Variants in TUBGCP3 observed in about 807,000 individuals in gnomAD.
TUBGCP3 encodes the protein gamma-tubulin complex component 3.
A neutral mutation model predicts 123.1 loss-of-function variants in TUBGCP3; 50 were observed. The observed-to-expected ratio is 0.41, with a 90% CI of 0.32 to 0.51. TUBGCP3 has a LOEUF of 0.51. Ranked by LOEUF, TUBGCP3 falls within the 20% of genes least tolerant of loss-of-function variation. The pLI is 0.36. For missense variants in TUBGCP3, 882 were observed against 1,127.0 expected, an observed-to-expected ratio of 0.78 and a Z score of 3.11; for synonymous variants, 405 against 413.9, an observed-to-expected ratio of 0.98 and a Z score of 0.26.
intron 6 of TUBGCP3, 122 bp from the exon 7 acceptor site, chr13:112,555,127 A>T: frequency 1.6e-6 from 1 of 620,914 alleles, no homozygotes; most frequent in Non-Finnish European, 2.8e-6. Flanking sequence ...CTAACTCAAT[A>T]AATAAGCTCA....
At chr13:112,558,562 T>A (rs997608129) in intron 4 of TUBGCP3, 149 bp from the exon 5 acceptor site, 1 of 710,024 alleles carries the variant, frequency 1.4e-6, no homozygotes, top group Non-Finnish European at 2.1e-6. Context: ...TTAGATGTTA[T>A]GCTTTTGAAA....
At chr13:112,499,297 C>T in intron 19 of TUBGCP3, 112 bp from the exon 20 acceptor site, 1 of 1,334,404 alleles carries the variant, frequency 7.5e-7, no homozygotes, top group South Asian at 1.5e-5. Context: ...AACTGAAATT[C>T]CCAAAGTGTT....
In TUBGCP3 at chr13:112,527,488, A is replaced by C; in HGVS notation, c.1336-4T>G. ...TTGGATCTGATGCTACAAAAAACTG[A>C]AAGCAAAGGGGCATGGAAATGTTCA... On this transcript the variant is annotated splice_polypyrimidine_tract_variant and splice_region_variant and intron_variant, in intron 11 of 21. Coordinates refer to ENST00000261965, the MANE Select transcript of TUBGCP3 (RefSeq NM_006322.6). 1 of 1,598,654 alleles carries C rather than the reference A, an allele frequency of 6.3e-7. No homozygotes were observed. Among genetic ancestry groups the C allele is most frequent in the Non-Finnish European group, 8.6e-7 (1 of 1,166,334 alleles).
chr13:112,580,980 A>G (rs1412013052), intron 1 of TUBGCP3, among the ~76,000 whole-genome samples: 1 of 152,180 alleles, frequency 6.6e-6, no homozygotes, highest in Non-Finnish European at 1.5e-5. Context: ...TTATCCACCC[A>G]GCAGTCAAAG....
chr13:112,543,692 C>G (rs895647947), intron 11 of TUBGCP3, among the ~76,000 whole-genome samples: 22 of 152,074 alleles, frequency 1.4e-4, no homozygotes, highest in Non-Finnish European at 1.0e-4. Flanking sequence ...TGTGTGGAGT[C>G]TCAGTTAAGG....
rs560185607 is a variant in TUBGCP3, at chr13:112,534,651, C to G, written c.1336-7167G>C. The stretch of plus-strand genomic sequence containing the variant: ...AGAGCCCTACTTGCGCTCGGCGACG[C>G]CATGGTGAACAGGAGCACCTCAACC... On this transcript the variant is annotated intron_variant, in intron 11 of 21. Coordinates refer to ENST00000261965, the MANE Select transcript of TUBGCP3 (RefSeq NM_006322.6). 5.7e-4 allele frequency among the ~76,000 whole-genome samples: 87 copies of G among 152,050 alleles called. 1 individual carries two copies. The highest frequency in any genetic ancestry group is 1.2e-3 in the South Asian group (6 of 4,816).
chr13:112,596,522 A>AT, the TUBGCP3 span, among the ~76,000 whole-genome samples: 4 of 151,258 alleles, frequency 2.6e-5, no homozygotes, highest in South Asian at 2.1e-4. Flanking sequence ...TGTTTTCAAT[A>AT]TTTTTTTTTC....
intron 5 of TUBGCP3, 101 bp downstream of exon 5, chr13:112,558,095 C>T (rs1594197669): frequency 1.6e-6 from 2 of 1,270,348 alleles, no homozygotes; most frequent in Middle Eastern, 2.8e-4. Flanking sequence ...ACGTATGAGG[C>T]CCCACTGATA....
intron 2 of TUBGCP3, among the ~76,000 whole-genome samples, chr13:112,566,611 T>C (rs574635845): frequency 6.6e-6 from 1 of 152,242 alleles, no homozygotes; most frequent in Non-Finnish European, 1.5e-5. Flanking sequence ...AAATTTAATA[T>C]AATTTACTGT....
intron 3 of TUBGCP3, among the ~76,000 whole-genome samples, chr13:112,562,685 G>A (rs577365316): frequency 2.0e-5 from 3 of 152,312 alleles, no homozygotes; most frequent in Admixed American, 2.0e-4. Flanking sequence ...CACTCTGGCA[G>A]TACAGATGCT....
chr13:112,516,863 C>T (rs1362589698), intron 16 of TUBGCP3, among the ~76,000 whole-genome samples: 2 of 152,166 alleles, frequency 1.3e-5, no homozygotes, highest in East Asian at 1.9e-4. Flanking sequence ...CCCCCCAACC[C>T]GCCTGAGGGA....
intron 5 of TUBGCP3, 120 bp from the exon 6 acceptor site, chr13:112,556,344 C>T: frequency 1.0e-6 from 1 of 968,908 alleles, no homozygotes; most frequent in South Asian, 1.7e-5. Context: ...TCTGGTATAG[C>T]TGATACCATG....
intron 11 of TUBGCP3, among the ~76,000 whole-genome samples, chr13:112,534,552 C>CAAAAA (rs1479333078): frequency 1.3e-5 from 2 of 152,120 alleles, no homozygotes; most frequent in Non-Finnish European, 2.9e-5. Flanking sequence ...GTCTCAAAAA[C>CAAAAA]AAAACAAAAC....
chr13:112,525,409 T>G (rs1876967957), intron 13 of TUBGCP3, among the ~76,000 whole-genome samples: 1 of 152,174 alleles, frequency 6.6e-6, no homozygotes, highest in African/African-American at 2.4e-5. Flanking sequence ...TATTACTGAC[T>G]ACTGGTTATT....
chr13:112,546,854 C>G (rs1879043015), intron 10 of TUBGCP3: 1 of 152,264 alleles, frequency 6.6e-6, no homozygotes, highest in Non-Finnish European at 1.5e-5. Flanking sequence ...GTGCAGACAG[C>G]AAGATGACCA....
At chr13:112,523,058 A>T (rs981298897) in intron 13 of TUBGCP3, among the ~76,000 whole-genome samples, 1 of 152,250 alleles carries the variant, frequency 6.6e-6, no homozygotes, top group African/African-American at 2.4e-5. Flanking sequence ...AAGCATTTCC[A>T]TAGCTTTCTA....
chr13:112,514,322 T>C (rs1875891832), intron 17 of TUBGCP3, among the ~76,000 whole-genome samples: 1 of 151,910 alleles, frequency 6.6e-6, no homozygotes, highest in South Asian at 2.1e-4. Flanking sequence ...ATATATCCCC[T>C]GTAGATAAAG....
chr13:112,498,859 C>G (rs1196755883), intron 20 of TUBGCP3, 186 bp downstream of exon 20: 6 of 1,606,908 alleles, frequency 3.7e-6, no homozygotes, highest in Non-Finnish European at 5.1e-6. Context: ...ATGATGATGC[C>G]AGTGAGGGTG....
rs1881689237 is a variant in TUBGCP3 at position 112,511,745 on chromosome 13, T to A, written c.2086+4695A>T. 6.6e-6 allele frequency among the ~76,000 whole-genome samples: 1 copy of A among 152,220 alleles called. No individual in the cohort carries two copies. Among genetic ancestry groups the A allele is most frequent in the African/African-American group, 2.4e-5 (1 of 41,454 alleles). On this transcript the variant is annotated intron_variant, in intron 17 of 21. Coordinates refer to ENST00000261965, the MANE Select transcript of TUBGCP3 (RefSeq NM_006322.6). The surrounding 1 kb of genome is among the most constrained non-coding windows in gnomAD (Gnocchi z 4.1). The stretch of plus-strand genomic sequence containing the variant: ...TCGATATATTGGGCCAAAACCAAAT[T>A]TGGGCCAATCCAACCTTTTCAGATT...
Sources: gnomAD v4.1 joint callset for allele counts (sites outside exome capture counted in the v4.1 genomes callset) on GRCh38, gnomAD v4.1.1 for gene constraint, Gnocchi (gnomAD v3.1) non-coding constraint, MANE v1.5 for transcripts, NCBI Gene and HGNC (gene_info 2026-07-23, HGNC 2026-07-21) for gene names.